The following ADORA2B variants were observed in gnomAD, a reference collection of about 807,000 sequenced individuals.
The protein encoded by ADORA2B is adenosine receptor A2b.
ADORA2B carries 18 observed loss-of-function variants against 20.8 expected under a neutral mutation model. The observed-to-expected ratio is 0.87, with a 90% CI of 0.60 to 1.29. The LOEUF (loss-of-function observed/expected upper bound fraction) is 1.29. Among genes scored for constraint, ADORA2B ranks in the 50% most tolerant of loss-of-function variants. ADORA2B has a pLI of 0.00. For missense variants in ADORA2B, 441 were observed against 422.7 expected (o/e 1.04, Z -0.38); for synonymous variants, 179 against 178.3 (o/e 1.00, Z -0.03).
At chr17:15,956,590 CTTTTT>C (rs11290214) in intron 1 of ADORA2B, among the ~76,000 whole-genome samples, 14 of 51,422 alleles carry the variant, frequency 2.7e-4, no homozygotes, top group East Asian at 6.6e-4. Flanking sequence ...TTATGTGTGT[CTTTTT>C]TTTTTTTTTT....
chr17:15,879,018 ACT>A, the ADORA2B span, among the ~76,000 whole-genome samples: 9 of 151,876 alleles, frequency 5.9e-5, no homozygotes, highest in Non-Finnish European at 8.8e-5. Flanking sequence ...ATTTTTTATA[ACT>A]CTTATTGATG....
the ADORA2B span, among the ~76,000 whole-genome samples, chr17:15,875,955 G>A: frequency 1.3e-5 from 2 of 152,266 alleles, no homozygotes; most frequent in South Asian, 4.1e-4. Context: ...CATATCACAG[G>A]GGTCAGGGAT....
the ADORA2B span, among the ~76,000 whole-genome samples, chr17:15,931,671 A>G: frequency 2.0e-5 from 3 of 152,310 alleles, no homozygotes; most frequent in South Asian, 2.1e-4. Context: ...TTGCTTTTGT[A>G]TATCTTCTTT....
the ADORA2B span, among the ~76,000 whole-genome samples, chr17:15,935,650 ACTCT>A: frequency 6.7e-6 from 1 of 148,840 alleles, no homozygotes; most frequent in Admixed American, 6.7e-5. Context: ...TTTCTCTCTC[ACTCT>A]CTTTCTAGTA....
rs563599391 is a variant in ADORA2B, at chr17:15,949,562, G to A, written c.335+3979G>A. On this transcript the variant is annotated intron_variant, in intron 1 of 1. Transcript: ENST00000304222. ...TAATTCCCGTCCCATAAAATTCACTGGTAATGTTCGAAATAAAGCTTGGCA... is the reference window on the plus strand; with the variant it reads ...TAATTCCCGTCCCATAAAATTCACTAGTAATGTTCGAAATAAAGCTTGGCA... Among the ~76,000 whole-genome samples, 4 of 152,044 alleles carry A rather than the reference G, an allele frequency of 2.6e-5. 1 individual carries two copies. In the Middle Eastern group the frequency reaches 0.01, roughly 388 times the overall value.
intron 1 of ADORA2B, among the ~76,000 whole-genome samples, chr17:15,964,244 TC>T (rs1412481597): frequency 1.3e-5 from 2 of 152,206 alleles, no homozygotes; most frequent in African/African-American, 4.8e-5. Context: ...TTTTATTTGT[TC>T]CTTAAATGTT....
chr17:15,878,069 G>A, the ADORA2B span, among the ~76,000 whole-genome samples: 12 of 151,898 alleles, frequency 7.9e-5, no homozygotes, highest in African/African-American at 2.4e-4. Flanking sequence ...GAGTGCATGC[G>A]TTTCATTGCT....
At chr17:15,892,015 AT>A in the ADORA2B span, among the ~76,000 whole-genome samples, 24,050 of 133,870 alleles carry the variant, frequency 0.18, 2,899 homozygotes, top group African/African-American at 0.34. Flanking sequence ...TGCCCAGCTA[AT>A]TTTTTTTTTT....
chr17:15,874,042 G>GTATA, the ADORA2B span, among the ~76,000 whole-genome samples: 54 of 134,820 alleles, frequency 4.0e-4, 1 homozygote, highest in African/African-American at 1.5e-3. Flanking sequence ...ATATATATGT[G>GTATA]TATATATATA....
chr17:15,940,887 T>G (rs1969738327), upstream of ADORA2B, among the ~76,000 whole-genome samples: 1 of 152,236 alleles, frequency 6.6e-6, no homozygotes, highest in African/African-American at 2.4e-5. Flanking sequence ...AAGCAATGCT[T>G]GCAGCTGTGG....
At chr17:15,931,097 G>A in the ADORA2B span, among the ~76,000 whole-genome samples, 1 of 152,176 alleles carries the variant, frequency 6.6e-6, no homozygotes, top group African/African-American at 2.4e-5. Context: ...CAGGAGGATC[G>A]CTTGAGCCCA....
the ADORA2B span, among the ~76,000 whole-genome samples, chr17:15,890,312 A>G: frequency 7.8e-6 from 1 of 127,892 alleles, no homozygotes; most frequent in Non-Finnish European, 1.6e-5. Flanking sequence ...TTACTGGTTC[A>G]TTTCCCTGCC....
chr17:15,927,933 C>G, the ADORA2B span, among the ~76,000 whole-genome samples: 1 of 152,122 alleles, frequency 6.6e-6, no homozygotes, highest in African/African-American at 2.4e-5. Flanking sequence ...ACCAAGCCCC[C>G]TGCCTCAGCC....
the ADORA2B span, among the ~76,000 whole-genome samples, chr17:15,880,151 T>G: frequency 7.0e-6 from 1 of 142,150 alleles, no homozygotes; most frequent in Non-Finnish European, 1.5e-5. Flanking sequence ...GCAGATCCAG[T>G]GTCTCTCATC....
At chr17:15,941,276 A>G (rs190880100), upstream of ADORA2B, among the ~76,000 whole-genome samples, 1 of 152,206 alleles carries the variant, frequency 6.6e-6, no homozygotes, top group East Asian at 1.9e-4. Flanking sequence ...TTTTAGCCTG[A>G]CCCTGTGAAG....
chr17:15,913,639 C>G, the ADORA2B span, among the ~76,000 whole-genome samples: 1 of 152,202 alleles, frequency 6.6e-6, no homozygotes, highest in Middle Eastern at 3.2e-3. Context: ...TCATTAAATT[C>G]ATACATTGTA....
chr17:15,902,239 C>T, the ADORA2B span, among the ~76,000 whole-genome samples: 53 of 150,310 alleles, frequency 3.5e-4, no homozygotes, highest in African/African-American at 1.3e-3. Flanking sequence ...TTGAGACAGT[C>T]TCGCTCTGTC....
chr17:15,975,457 T>C lies in ADORA2B; in HGVS notation c.*115T>C. ...CTCACAAGGAAATGGACTGCCTCTC[T>C]TGAGCACTTCCCTGGAGCTACCACG... On this transcript the variant is annotated 3_prime_UTR_variant, in exon 2 of 2. Coordinates refer to ENST00000304222, the MANE Select transcript of ADORA2B (RefSeq NM_000676.4). 1 of 1,102,512 alleles carries C rather than the reference T, an allele frequency of 9.1e-7. No homozygotes were observed. The highest frequency in any genetic ancestry group is 1.3e-6 in the Non-Finnish European group (1 of 773,538). 68.3% of individuals were successfully genotyped at this position (1,102,512 alleles called of 1,614,324 possible). A position where few individuals can be genotyped will look rare whatever the true frequency, so the allele number is the denominator to read the frequency against.
the ADORA2B span, among the ~76,000 whole-genome samples, chr17:15,898,218 TG>T: frequency 1.1e-4 from 16 of 152,144 alleles, no homozygotes; most frequent in Non-Finnish European, 2.1e-4. Context: ...AATGAGACCT[TG>T]TTGGAAGATT....
Sources: gnomAD v4.1 joint callset for allele counts (sites outside exome capture counted in the v4.1 genomes callset) on GRCh38, gnomAD v4.1.1 for gene constraint, MANE v1.5 for transcripts, NCBI Gene and HGNC (gene_info 2026-07-23, HGNC 2026-07-21) for gene names.